KCNB2: variants seen among roughly 807,000 people sequenced by gnomAD.
The protein encoded by KCNB2 is potassium voltage-gated channel subfamily B member 2, also known as delayed rectifier potassium channel protein.
KCNB2 carries 15 observed loss-of-function variants against 61.5 expected under a neutral mutation model. That is an observed-to-expected ratio of 0.24 (90% CI 0.16 to 0.38). The LOEUF is 0.38. KCNB2 is among the 10% of genes least tolerant of loss of function. The probability of loss-of-function intolerance (pLI) is 1.00; values close to 1 mark genes in which losing one functional copy is unlikely to be tolerated. For missense variants in KCNB2, 828 were observed against 1,125.2 expected (o/e 0.74, Z 3.78); for synonymous variants, 457 against 446.0 (o/e 1.02, Z -0.31).
chr8:72,767,926 GTATCTCAT>G (rs11279703), intron 2 of KCNB2, among the ~76,000 whole-genome samples: 21,368 of 152,072 alleles, frequency 0.14, 1,784 homozygotes, highest in South Asian at 0.3. Context: ...GTATGCAGAG[GTATCTCAT>G]TGTGATTTCT....
intron 2 of KCNB2, among the ~76,000 whole-genome samples, chr8:72,628,145 G>A (rs1805821010): frequency 6.6e-6 from 1 of 152,076 alleles, no homozygotes; most frequent in South Asian, 2.1e-4. Context: ...GTAGAAACAG[G>A]GTTTTGGCAT....
At chr8:72,670,977 A>T (rs1435667261) in intron 2 of KCNB2, among the ~76,000 whole-genome samples, 1 of 152,214 alleles carries the variant, frequency 6.6e-6, no homozygotes, top group East Asian at 1.9e-4. Flanking sequence ...ATCTGTTATT[A>T]TGGATGCCTC....
intron 2 of KCNB2, among the ~76,000 whole-genome samples, chr8:72,932,193 G>A (rs940143906): frequency 6.6e-6 from 1 of 152,150 alleles, no homozygotes; most frequent in Non-Finnish European, 1.5e-5. Context: ...TCTGTAACCA[G>A]GTACAGGGAG....
rs530517623 is a variant in KCNB2, at chr8:72,589,405, T to C, written c.579+21092T>C. Among the ~76,000 whole-genome samples, 10 of 152,270 alleles carry C rather than the reference T, an allele frequency of 6.6e-5. No individual in the cohort carries two copies. The South Asian group carries it at 2.1e-3, about 32-fold the overall frequency. On this transcript the variant is annotated intron_variant, in intron 2 of 2. Coordinates refer to ENST00000523207, the MANE Select transcript of KCNB2 (RefSeq NM_004770.3). ...GTATATTTATCTTTTCAGCATATGCTCTCCTGTTAGTTCAGTATGTGAGTT... is the reference window on the plus strand; with the variant it reads ...GTATATTTATCTTTTCAGCATATGCCCTCCTGTTAGTTCAGTATGTGAGTT...
At chr8:72,590,620 T>G (rs905200271) in intron 2 of KCNB2, among the ~76,000 whole-genome samples, 1 of 152,212 alleles carries the variant, frequency 6.6e-6, no homozygotes, top group African/African-American at 2.4e-5. Context: ...TTGGGTCAAA[T>G]CATTCCTGTG....
intron 2 of KCNB2, among the ~76,000 whole-genome samples, chr8:72,627,526 A>G (rs920409138): frequency 6.6e-6 from 1 of 152,228 alleles, no homozygotes; most frequent in Non-Finnish European, 1.5e-5. Flanking sequence ...TTAGAGAACA[A>G]TTTGAGCATA....
intron 2 of KCNB2, among the ~76,000 whole-genome samples, chr8:72,901,703 T>C (rs149519843): frequency 1.7e-3 from 258 of 152,326 alleles, no homozygotes; most frequent in African/African-American, 5.8e-3. Flanking sequence ...TGCCATTTTA[T>C]CTCTGGGTTA....
chr8:72,562,293 ACCTGGAG>A (rs1467938739), intron 1 of KCNB2, among the ~76,000 whole-genome samples: 1 of 151,984 alleles, frequency 6.6e-6, no homozygotes, highest in Non-Finnish European at 1.5e-5. Flanking sequence ...CCCCCTCCAA[ACCTGGAG>A]CCTCAAGCTG....
chr8:72,602,503 T>C (rs1427426522), intron 2 of KCNB2, among the ~76,000 whole-genome samples: 1 of 152,210 alleles, frequency 6.6e-6, no homozygotes, highest in African/African-American at 2.4e-5. Flanking sequence ...ATGTGAGAGA[T>C]TAAATGAATC....
At chr8:72,788,540 G>T (rs750015463) in intron 2 of KCNB2, among the ~76,000 whole-genome samples, 25 of 151,880 alleles carry the variant, frequency 1.6e-4, no homozygotes, top group Non-Finnish European at 3.2e-4. Flanking sequence ...TTATTTTTGG[G>T]GAGACTCAAG....
chr8:72,610,518 G>C (rs1805520393), intron 2 of KCNB2, among the ~76,000 whole-genome samples: 1 of 152,054 alleles, frequency 6.6e-6, no homozygotes, highest in Non-Finnish European at 1.5e-5. Context: ...CAAAAGGTTA[G>C]GGATATGATC....
At chr8:72,898,327 G>A (rs148313617) in intron 2 of KCNB2, among the ~76,000 whole-genome samples, 1,542 of 152,022 alleles carry the variant, frequency 0.01, 32 homozygotes, top group African/African-American at 0.035. Flanking sequence ...AGCATTAGGA[G>A]ATATACCTAA....
intron 2 of KCNB2, among the ~76,000 whole-genome samples, chr8:72,840,315 A>G (rs537576828): frequency 5.3e-4 from 81 of 152,262 alleles, no homozygotes; most frequent in African/African-American, 1.9e-3. Context: ...TATCATTGAT[A>G]GGTATTTGGA....
chr8:72,546,344 T>A (rs1166375579), intron 1 of KCNB2, among the ~76,000 whole-genome samples: 1 of 151,992 alleles, frequency 6.6e-6, no homozygotes, highest in Non-Finnish European at 1.5e-5. Flanking sequence ...TGAAACCCCG[T>A]GTCTACTAAA....
At chr8:72,607,206 G>A (rs899828919) in intron 2 of KCNB2, among the ~76,000 whole-genome samples, 2 of 152,134 alleles carry the variant, frequency 1.3e-5, no homozygotes, top group Admixed American at 1.3e-4. Context: ...CATATCAAAG[G>A]CAACCAGAGG....
intron 1 of KCNB2, among the ~76,000 whole-genome samples, chr8:72,562,779 A>G (rs1806557651): frequency 6.6e-6 from 1 of 152,230 alleles, no homozygotes; most frequent in African/African-American, 2.4e-5. Context: ...TTTATGGGGT[A>G]AAAAATCATT....
At chr8:72,668,219 G>A (rs1315534359) in intron 2 of KCNB2, among the ~76,000 whole-genome samples, 1 of 152,160 alleles carries the variant, frequency 6.6e-6, no homozygotes, top group Non-Finnish European at 1.5e-5. Context: ...AAGCTGCCCT[G>A]AGCCTTGATG....
intron 2 of KCNB2, among the ~76,000 whole-genome samples, chr8:72,764,962 T>C (rs1382513410): frequency 6.6e-6 from 1 of 152,200 alleles, no homozygotes; most frequent in Non-Finnish European, 1.5e-5. Context: ...GAACTGGCTA[T>C]GACAAATATT....
At chr8:72,798,843 C>A (rs1185467206) in intron 2 of KCNB2, among the ~76,000 whole-genome samples, 2 of 152,098 alleles carry the variant, frequency 1.3e-5, no homozygotes, top group Non-Finnish European at 2.9e-5. Context: ...GGGGAGGAGG[C>A]ACAGGATGAG....
Sources: gnomAD v4.1 joint callset for allele counts (sites outside exome capture counted in the v4.1 genomes callset) on GRCh38, gnomAD v4.1.1 for gene constraint, MANE v1.5 for transcripts, NCBI Gene and HGNC (gene_info 2026-07-23, HGNC 2026-07-21) for gene names.